Variants in ERC2 observed in about 807,000 individuals in gnomAD.
ERC2 encodes the protein ELKS/RAB6-interacting/CAST family member 2.
ERC2 carries 42 observed loss-of-function variants against 114.8 expected under a neutral mutation model. That is an observed-to-expected ratio of 0.37 (90% CI 0.29 to 0.47). The LOEUF (loss-of-function observed/expected upper bound fraction) is 0.47, where lower values mean the gene tolerates loss of function less well. ERC2 is among the 20% of genes least tolerant of loss of function. The pLI is 0.99. For missense variants in ERC2, 939 were observed against 1,150.7 expected, an observed-to-expected ratio of 0.82 and a Z score of 2.66; for synonymous variants, 454 against 425.5, an observed-to-expected ratio of 1.07 and a Z score of -0.82.
chr3:55,774,955 C>T (rs914952130), intron 14 of ERC2, among the ~76,000 whole-genome samples: 1 of 152,186 alleles, frequency 6.6e-6, no homozygotes, highest in African/African-American at 2.4e-5. Context: ...CAGTTCACTG[C>T]TTACAACAAC....
intron 3 of ERC2, among the ~76,000 whole-genome samples, chr3:56,282,849 T>C (rs2054441358): frequency 6.6e-6 from 1 of 152,220 alleles, no homozygotes; most frequent in Middle Eastern, 3.2e-3. Context: ...TGTGGTCATT[T>C]TAGATCATTC....
intron 2 of ERC2, among the ~76,000 whole-genome samples, chr3:56,342,299 G>A (rs1311976741): frequency 6.6e-6 from 1 of 152,196 alleles, no homozygotes; most frequent in African/African-American, 2.4e-5. Flanking sequence ...GAAATACTGT[G>A]ATCACAAAAA....
intron 2 of ERC2, among the ~76,000 whole-genome samples, chr3:56,360,281 G>T (rs986988257): frequency 1.3e-5 from 2 of 151,858 alleles, no homozygotes; most frequent in Non-Finnish European, 2.9e-5. Flanking sequence ...TGATCCGCCT[G>T]CCTCAGCCTC....
At chr3:55,876,409 C>T (rs909891873) in intron 14 of ERC2, among the ~76,000 whole-genome samples, 4 of 152,134 alleles carry the variant, frequency 2.6e-5, no homozygotes, top group African/African-American at 7.2e-5. Flanking sequence ...GCCCACAGGC[C>T]CTGCGCTGTG....
chr3:55,943,382 C>G (rs2066927620), intron 13 of ERC2, among the ~76,000 whole-genome samples: 1 of 152,078 alleles, frequency 6.6e-6, no homozygotes, highest in Non-Finnish European at 1.5e-5. Flanking sequence ...TGCTCCCAAA[C>G]ACACACCTCA....
intron 17 of ERC2, among the ~76,000 whole-genome samples, chr3:55,642,617 CT>C (rs1419900412): frequency 3.3e-5 from 5 of 152,154 alleles, no homozygotes; most frequent in Admixed American, 2.0e-4. Flanking sequence ...GTGTGATCCA[CT>C]GTGCCCAACC....
chr3:55,754,433 A>G (rs371122229), intron 14 of ERC2, among the ~76,000 whole-genome samples: 13 of 150,910 alleles, frequency 8.6e-5, no homozygotes, highest in African/African-American at 3.1e-4. Flanking sequence ...CCTTTTCTTT[A>G]ATCACCTAGC....
At chr3:56,335,541 A>G (rs1002706042) in intron 2 of ERC2, among the ~76,000 whole-genome samples, 1 of 152,234 alleles carries the variant, frequency 6.6e-6, no homozygotes, top group Non-Finnish European at 1.5e-5. Flanking sequence ...TTGCCTAAGC[A>G]TTATTAATGA....
In ERC2 at chr3:55,667,258, G is replaced by T. The variant is rs139171938; in HGVS notation, c.*39+16536C>A. On this transcript the variant is annotated intron_variant, in intron 17 of 17. Coordinates refer to ENST00000288221, the MANE Select transcript of ERC2 (RefSeq NM_015576.3). ...TTTAGAAAGAACAAGGGAAGATAGT[G>T]CTCATCTTATGATGCTGTTTTGAGA... 6.8e-4 allele frequency among the ~76,000 whole-genome samples: 104 copies of T among 152,288 alleles called. 1 individual carries two copies. The East Asian group carries it at 0.02, about 29-fold the overall frequency.
chr3:56,393,730 A>G (rs138758897), intron 2 of ERC2, among the ~76,000 whole-genome samples: 187 of 152,310 alleles, frequency 1.2e-3, no homozygotes, highest in African/African-American at 4.0e-3. Context: ...AAATTCTCAA[A>G]CCAAGAAATT....
intron 13 of ERC2, among the ~76,000 whole-genome samples, chr3:55,948,202 A>G (rs2067256828): frequency 6.6e-6 from 1 of 152,178 alleles, no homozygotes. Flanking sequence ...GTTGTAGGCA[A>G]TACTCTACAT....
chr3:55,854,203 A>C (rs760180870), intron 14 of ERC2, among the ~76,000 whole-genome samples: 7 of 152,206 alleles, frequency 4.6e-5, no homozygotes, highest in Non-Finnish European at 8.8e-5. Context: ...TGAATCCGGG[A>C]GGCGGAGGTT....
At chr3:56,165,277 T>C (rs989327006) in intron 4 of ERC2, among the ~76,000 whole-genome samples, 1 of 152,116 alleles carries the variant, frequency 6.6e-6, no homozygotes, top group East Asian at 1.9e-4. Flanking sequence ...TCCAACATTA[T>C]TTTGGGGATA....
intron 17 of ERC2, among the ~76,000 whole-genome samples, chr3:55,682,600 C>T (rs1214557624): frequency 6.6e-6 from 1 of 152,148 alleles, no homozygotes; most frequent in Non-Finnish European, 1.5e-5. Context: ...TAAACTTCAC[C>T]TGAAGCACTA....
chr3:55,781,624 C>A (rs1318144084), intron 14 of ERC2, among the ~76,000 whole-genome samples: 1 of 151,920 alleles, frequency 6.6e-6, no homozygotes, highest in Non-Finnish European at 1.5e-5. Context: ...GTAATCCCAG[C>A]ACTTTGGGAG....
intron 2 of ERC2, among the ~76,000 whole-genome samples, chr3:56,432,114 A>T (rs916331695): frequency 6.6e-6 from 1 of 152,192 alleles, no homozygotes; most frequent in African/African-American, 2.4e-5. Context: ...AATGTATCTC[A>T]ATGTATTATT....
chr3:56,011,606 AACAC>A (rs3076645), intron 8 of ERC2, among the ~76,000 whole-genome samples: 392 of 148,476 alleles, frequency 2.6e-3, no homozygotes, highest in Middle Eastern at 6.9e-3. Context: ...AAGAAACTTA[AACAC>A]ACACACACAC....
intron 13 of ERC2, among the ~76,000 whole-genome samples, chr3:55,921,738 A>T (rs754547058): frequency 1.1e-4 from 16 of 152,138 alleles, no homozygotes; most frequent in African/African-American, 3.9e-4. Context: ...ATATATGGAG[A>T]GTATTAATTC....
intron 15 of ERC2, among the ~76,000 whole-genome samples, chr3:55,699,947 A>G (rs1344522913): frequency 6.6e-6 from 1 of 152,206 alleles, no homozygotes; most frequent in Non-Finnish European, 1.5e-5. Context: ...AGAACTACAG[A>G]TAAACAATGG....
Sources: allele counts gnomAD v4.1 joint callset (sites outside exome capture counted in the v4.1 genomes callset), GRCh38; gene constraint gnomAD v4.1.1; transcripts MANE v1.5; gene names NCBI Gene and HGNC (gene_info 2026-07-23, HGNC 2026-07-21).